TRHDE: variants seen among roughly 807,000 people sequenced by gnomAD.
TRHDE encodes thyrotropin releasing hormone degrading enzyme.
A neutral mutation model predicts 125.7 loss-of-function variants in TRHDE; 72 were observed. That is an observed-to-expected ratio of 0.57 (90% CI 0.47 to 0.70). The LOEUF is 0.70. Ranked by LOEUF, TRHDE falls within the 30% of genes least tolerant of loss-of-function variation. TRHDE has a pLI of 0.00. For missense variants in TRHDE, 1,110 were observed against 1,327.1 expected (o/e 0.84, Z 2.54); for synonymous variants, 509 against 509.1 (o/e 1.00, Z 0.00).
chr12:72,601,268 C>T (rs1872194504), intron 12 of TRHDE, among the ~76,000 whole-genome samples: 2 of 152,046 alleles, frequency 1.3e-5, no homozygotes, highest in South Asian at 4.1e-4. Context: ...GAATCAGAAG[C>T]ATAGACTGAG....
intron 3 of TRHDE, among the ~76,000 whole-genome samples, chr12:72,445,651 A>G (rs1449019746): frequency 6.6e-6 from 1 of 151,900 alleles, no homozygotes; most frequent in Admixed American, 6.6e-5. Flanking sequence ...GAGGATTTCC[A>G]CTGATTTATT....
intron 12 of TRHDE, among the ~76,000 whole-genome samples, chr12:72,616,937 A>G (rs963287860): frequency 6.6e-6 from 1 of 152,128 alleles, no homozygotes; most frequent in African/African-American, 2.4e-5. Flanking sequence ...ACTGAAATCC[A>G]TATTTCTTTT....
At chr12:72,214,443 G>A (rs933555655) in intron 2 of TRHDE, among the ~76,000 whole-genome samples, 4 of 152,214 alleles carry the variant, frequency 2.6e-5, no homozygotes, top group African/African-American at 9.6e-5. Flanking sequence ...TAAGGAAAAG[G>A]ATTTTAATCT....
chr12:72,496,678 C>T (rs967654799), intron 5 of TRHDE, among the ~76,000 whole-genome samples: 2 of 152,162 alleles, frequency 1.3e-5, no homozygotes, highest in African/African-American at 4.8e-5. Flanking sequence ...TAAGATAAAA[C>T]TATTATTTCA....
In TRHDE at chr12:72,388,033, C is replaced by T. The variant is rs189328736; in HGVS notation, c.1315+9912C>T. Among the ~76,000 whole-genome samples, 6 of 152,192 alleles carry T rather than the reference C, an allele frequency of 3.9e-5. No homozygotes were observed. In the South Asian group the frequency reaches 6.2e-4, roughly 16 times the overall value. On this transcript the variant is annotated intron_variant, in intron 3 of 18. Transcript: ENST00000261180. ...CATGCTTGCCCCTACCCTTTACCCC[C>T]CCGGACCCTCTAATCTCATTTATTT... is the stretch of plus-strand genomic sequence containing the variant.
At chr12:72,220,610 T>A (rs913726829) in intron 2 of TRHDE, among the ~76,000 whole-genome samples, 1 of 152,120 alleles carries the variant, frequency 6.6e-6, no homozygotes, top group Non-Finnish European at 1.5e-5. Flanking sequence ...TAGGTTGGAA[T>A]CTTACCCATA....
chr12:72,169,641 G>T (rs1876827081), intron 2 of TRHDE, among the ~76,000 whole-genome samples: 1 of 151,968 alleles, frequency 6.6e-6, no homozygotes, highest in African/African-American at 2.4e-5. Context: ...GATTGCTTAA[G>T]CCTAGGAGTG....
At chr12:72,301,666 TA>T (rs1868261998) in intron 2 of TRHDE, among the ~76,000 whole-genome samples, 1 of 152,188 alleles carries the variant, frequency 6.6e-6, no homozygotes, top group Admixed American at 6.5e-5. Flanking sequence ...GATAACAATG[TA>T]GATCTTGTAA....
In TRHDE at chr12:72,475,019, G is replaced by A. The variant is rs12231500; in HGVS notation, c.1584+1839G>A. ...AAGTTTATTTGATTTATGTGCCTAGGCATTTATATATGTATAACATAATTT... is the reference window on the plus strand; with the variant it reads ...AAGTTTATTTGATTTATGTGCCTAGACATTTATATATGTATAACATAATTT... On this transcript the variant is annotated intron_variant, in intron 5 of 18. Coordinates refer to ENST00000261180, the MANE Select transcript of TRHDE (RefSeq NM_013381.3). 1.1e-3 allele frequency among the ~76,000 whole-genome samples: 169 copies of A among 152,152 alleles called. 4 individuals carry two copies. In the East Asian group the frequency reaches 0.027, roughly 24 times the overall value.
intron 2 of TRHDE, among the ~76,000 whole-genome samples, chr12:72,332,511 G>A (rs756411866): frequency 6.6e-6 from 1 of 152,094 alleles, no homozygotes; most frequent in Non-Finnish European, 1.5e-5. Flanking sequence ...TAAACCATTC[G>A]TGAGAGATCC....
At chr12:72,404,723 C>T (rs1224059104) in intron 3 of TRHDE, among the ~76,000 whole-genome samples, 1 of 152,126 alleles carries the variant, frequency 6.6e-6, no homozygotes, top group African/African-American at 2.4e-5. Flanking sequence ...CCCATCAGGT[C>T]CTTCTCACCA....
chr12:72,572,543 A>G (rs1341371712), intron 10 of TRHDE, among the ~76,000 whole-genome samples: 1 of 152,120 alleles, frequency 6.6e-6, no homozygotes, highest in Non-Finnish European at 1.5e-5. Flanking sequence ...ATAATTAACT[A>G]GAACTGAAAA....
intron 2 of TRHDE, among the ~76,000 whole-genome samples, chr12:72,337,739 G>T (rs1022254410): frequency 2.0e-5 from 3 of 152,018 alleles, no homozygotes; most frequent in African/African-American, 7.2e-5. Flanking sequence ...TGCTGGTCTA[G>T]ATTCACTGCT....
At chr12:72,161,926 T>C (rs1258207064) in intron 2 of TRHDE, among the ~76,000 whole-genome samples, 1 of 152,252 alleles carries the variant, frequency 6.6e-6, no homozygotes, top group African/African-American at 2.4e-5. Context: ...TTGCATATTA[T>C]GCCTTAATAA....
At chr12:72,406,362 G>GA (rs1233410741) in intron 3 of TRHDE, among the ~76,000 whole-genome samples, 5 of 151,902 alleles carry the variant, frequency 3.3e-5, no homozygotes, top group Non-Finnish European at 5.9e-5. Flanking sequence ...CAAAGTCTAG[G>GA]AAAAAATCTC....
At chr12:72,251,031 A>G (rs1331486931) in intron 2 of TRHDE, among the ~76,000 whole-genome samples, 2 of 151,808 alleles carry the variant, frequency 1.3e-5, no homozygotes, top group Non-Finnish European at 2.9e-5. Context: ...CTGTATATCC[A>G]TCACCCAGTT....
chr12:72,285,545 A>G (rs1219421963), intron 1 of TRHDE, among the ~76,000 whole-genome samples: 10 of 132,750 alleles, frequency 7.5e-5, no homozygotes, highest in South Asian at 2.4e-4. Context: ...TTTTTGAGAC[A>G]GGGTCTCGCT....
At position 72,297,720 on chromosome 12, in the gene TRHDE, G is replaced by A. The variant is rs183661906; in HGVS notation, c.1188+10766G>A. ...CAGCAATGGCAGAAGCTGAGAAAGT[G>A]CTCATCCTTCTCTCTGCCTCTGAGG... On this transcript the variant is annotated intron_variant, in intron 2 of 18. Transcript: ENST00000261180. 4.5e-4 allele frequency among the ~76,000 whole-genome samples: 68 copies of A among 152,312 alleles called. No individual in the cohort carries two copies. The East Asian group carries it at 0.01, about 23-fold the overall frequency.
chr12:72,203,123 GAGAGAA>G (rs778123473), intron 2 of TRHDE, among the ~76,000 whole-genome samples: 3 of 152,036 alleles, frequency 2.0e-5, no homozygotes, highest in Non-Finnish European at 2.9e-5. Flanking sequence ...GTGTGTATGA[GAGAGAA>G]AGAGAAAGAG....
Sources: allele counts gnomAD v4.1 joint callset (sites outside exome capture counted in the v4.1 genomes callset), GRCh38; gene constraint gnomAD v4.1.1; transcripts MANE v1.5; gene names NCBI Gene and HGNC (gene_info 2026-07-23, HGNC 2026-07-21).